Variants in UNK observed in about 807,000 individuals in gnomAD.
The protein encoded by UNK is RING finger protein unkempt homolog.
A neutral mutation model predicts 97.6 loss-of-function variants in UNK; 32 were observed. The observed-to-expected ratio is 0.33, with a 90% CI of 0.25 to 0.44. UNK has a LOEUF of 0.44. Ranked by LOEUF, UNK falls within the 20% of genes least tolerant of loss-of-function variation. UNK has a pLI of 1.00. For synonymous variants in UNK, 441 were observed against 461.2 expected (o/e 0.96, Z 0.56); for missense variants, 771 against 1,098.4 (o/e 0.70, Z 4.21).
Position 75,813,231 on chromosome 17 carries a change from G to T in UNK, c.758+18G>T. 1 of 1,563,536 alleles carries T rather than the reference G, an allele frequency of 6.4e-7. No individual in the cohort carries two copies. Among genetic ancestry groups the T allele is most frequent in the Non-Finnish European group, 8.7e-7 (1 of 1,155,280 alleles). ...AAATACAGGTCCTTAGGCCCCAGGA[G>T]GCCAGCCACGGGAGGGAGGAGTGGC... On this transcript the variant is annotated intron_variant, in intron 5 of 15. Coordinates refer to ENST00000589666, the MANE Select transcript of UNK (RefSeq NM_001080419.3).
rs576705543 is a variant in UNK at position 75,816,921 on chromosome 17, C to T, written c.1104+9C>T. On this transcript the variant is annotated intron_variant, in intron 8 of 15. Transcript: ENST00000589666. This position sits in a 1 kb window ranked among gnomAD's most constrained non-coding sequence, Gnocchi z 4.0. ...CCCCTGACCTCAGTGCCGTACGTGTCCATCCTGGGGAGTGGGTGGGCACCA... is the reference window on the plus strand; with the variant it reads ...CCCCTGACCTCAGTGCCGTACGTGTTCATCCTGGGGAGTGGGTGGGCACCA... 19 of 1,598,044 alleles carry T rather than the reference C, an allele frequency of 1.2e-5. No homozygotes were observed. In the Admixed American group the frequency reaches 1.4e-4, roughly 11 times the overall value.
rs746647713 is a variant in UNK at position 75,823,315 on chromosome 17, T to C, written c.2070T>C (p.Ser690=). 1.2e-6 allele frequency: 2 copies of C among 1,610,060 alleles called. No individual in the cohort carries two copies. The highest frequency in any genetic ancestry group is 1.7e-6 in the Non-Finnish European group (2 of 1,178,148). ...KEAEEAGERA[S]AAGAECELAR... is the part of the protein sequence containing the mutation. ...CGGAGGAGGCTGGTGAGCGGGCCAGTGCGGCGGGCGCCGAGTGCGAGCTGG... is the reference window on the plus strand; with the variant it reads ...CGGAGGAGGCTGGTGAGCGGGCCAGCGCGGCGGGCGCCGAGTGCGAGCTGG... Residue 690 remains serine (S), a synonymous_variant, in exon 15 of 16, where the codon AGT becomes AGC. Transcript: ENST00000589666.
intron 1 of UNK, among the ~76,000 whole-genome samples, chr17:75,800,457 G>A (rs917947514): frequency 3.3e-5 from 5 of 151,710 alleles, no homozygotes; most frequent in African/African-American, 1.2e-4. Flanking sequence ...GCTTCCTTTG[G>A]GCTGGGCGCG....
At chr17:75,810,585 T>G (rs1599379148) in intron 2 of UNK, among the ~76,000 whole-genome samples, 2 of 152,150 alleles carry the variant, frequency 1.3e-5, no homozygotes, top group East Asian at 3.9e-4. Context: ...TTTTATAATT[T>G]TATTTATTTA....
chr17:75,807,169 G>A (rs2061925966), intron 1 of UNK, among the ~76,000 whole-genome samples: 1 of 152,234 alleles, frequency 6.6e-6, no homozygotes. Context: ...GCTTTCATGA[G>A]GCACTGACAC....
At chr17:75,785,227 G>T in intron 1 of UNK, 1 of 492,150 alleles carries the variant, frequency 2.0e-6, no homozygotes, top group Non-Finnish European at 3.6e-6. Flanking sequence ...GCGGGAGCTC[G>T]GGATGCAGAG....
In UNK at chr17:75,825,172, C is replaced by CA. The variant is rs1186639916; in HGVS notation, c.*756dup. The CA allele has an allele frequency of 6.6e-6, 1 of 152,146 alleles. No homozygotes were observed. Among genetic ancestry groups the CA allele is most frequent in the Non-Finnish European group, 1.5e-5 (1 of 67,998 alleles). 9.4% of individuals were successfully genotyped at this position (152,146 alleles called of 1,614,324 possible). ...GGCAAGGCCCAGGAGTTCCAGCCCT[C>CA]AGGTTCCTGAGGGTCCACCCTCAGT... On this transcript the variant is annotated 3_prime_UTR_variant, in exon 16 of 16. Transcript: ENST00000589666. The surrounding 1 kb of genome is among the most constrained non-coding windows in gnomAD (Gnocchi z 4.4).
chr17:75,789,851 T>C (rs999078378), intron 1 of UNK, among the ~76,000 whole-genome samples: 2 of 152,068 alleles, frequency 1.3e-5, no homozygotes, highest in East Asian at 1.9e-4. Context: ...CTATTGAAAG[T>C]GTATAGCTGA....
rs2143780975 is a variant in UNK at position 75,812,251 on chromosome 17, G to A, written c.454G>A (p.Gly152Arg). The change falls in exon 3 of 16, where the codon GGG becomes AGG. Residue 152 changes from glycine to arginine, a missense_variant. Gly to Arg is a moderately radical substitution (Grantham distance 125). This residue lies in a region of UNK where 246 missense variants were observed against 440.7 expected (regional missense o/e 0.56). Transcript: ENST00000589666. ...KNGLHCAFAH[G>R]PHDLRSPVYD... ...CGGCCTGCACTGCGCTTTTGCCCACGGGCCCCATGACCTCCGCTCCCCTGT... is the reference window on the plus strand; with the variant it reads ...CGGCCTGCACTGCGCTTTTGCCCACAGGCCCCATGACCTCCGCTCCCCTGT... 3 of 1,613,754 alleles carry A rather than the reference G, an allele frequency of 1.9e-6. No individual in the cohort carries two copies. The highest frequency in any genetic ancestry group is 2.5e-6 in the Non-Finnish European group (3 of 1,179,710).
chr17:75,787,692 G>A (rs1001362203), intron 1 of UNK, among the ~76,000 whole-genome samples: 7 of 151,862 alleles, frequency 4.6e-5, no homozygotes, highest in Non-Finnish European at 5.9e-5. Flanking sequence ...AGGCCTGGTG[G>A]CACACACCTG....
At chr17:75,822,907 C>T (rs920027481) in intron 14 of UNK, among the ~76,000 whole-genome samples, 1 of 152,208 alleles carries the variant, frequency 6.6e-6, no homozygotes, top group East Asian at 1.9e-4. Flanking sequence ...GGATCACCTG[C>T]CTCCTCCCAG....
chr17:75,815,032 CAT>C, intron 6 of UNK, 135 bp from the exon 7 acceptor site: 1 of 676,932 alleles, frequency 1.5e-6, no homozygotes, highest in Non-Finnish European at 2.5e-6. Context: ...TAGGGAGAGA[CAT>C]AGTGGAGGGG....
chr17:75,823,646 GC>G, intron 15 of UNK, 124 bp downstream of exon 15: 2 of 1,346,052 alleles, frequency 1.5e-6, no homozygotes, highest in Non-Finnish European at 9.9e-7. Flanking sequence ...CCAGCACTGG[GC>G]CAGCACTCAA....
rs532303489 is a variant in UNK at position 75,798,898 on chromosome 17, C to T, written c.105-10862C>T. On this transcript the variant is annotated intron_variant, in intron 1 of 15. Coordinates refer to ENST00000589666, the MANE Select transcript of UNK (RefSeq NM_001080419.3). Reference sequence around the variant, plus strand: ...TGGCTAACACAGTGAAACCCCGTCTCTACTAAAAATACAAAAAAATTAGCC... The same window carrying T: ...TGGCTAACACAGTGAAACCCCGTCTTTACTAAAAATACAAAAAAATTAGCC... Among the ~76,000 whole-genome samples the T allele has an allele frequency of 4.6e-5, 7 of 152,022 alleles. No homozygotes were observed. In the East Asian group the frequency reaches 1.4e-3, roughly 30 times the overall value.
At chr17:75,787,426 G>A (rs2061722671) in intron 1 of UNK, among the ~76,000 whole-genome samples, 1 of 151,250 alleles carries the variant, frequency 6.6e-6, no homozygotes, top group South Asian at 2.1e-4. Flanking sequence ...GCCTAGTCTC[G>A]AACTCCTGTG....
intron 1 of UNK, among the ~76,000 whole-genome samples, chr17:75,807,609 C>T (rs551386307): frequency 2.2e-4 from 34 of 152,312 alleles, no homozygotes; most frequent in Admixed American, 8.5e-4. Context: ...CACGCCACCA[C>T]GCCCAGCTAA....
chr17:75,785,698 C>T (rs997143022), intron 1 of UNK: 1 of 152,108 alleles, frequency 6.6e-6, no homozygotes, highest in Non-Finnish European at 1.5e-5. Context: ...AAAACCTCTT[C>T]CTGGAAGTCT....
At chr17:75,794,408 G>A (rs1008650659) in intron 1 of UNK, among the ~76,000 whole-genome samples, 14 of 152,042 alleles carry the variant, frequency 9.2e-5, no homozygotes, top group Non-Finnish European at 1.5e-4. Context: ...AGGCTGAGGC[G>A]GGTGGATTGC....
In UNK at chr17:75,784,814, T is replaced by C. The variant is rs2061690013; in HGVS notation, c.-67T>C. 1 of 1,508,582 alleles carries C rather than the reference T, an allele frequency of 6.6e-7. No homozygotes were observed. The highest frequency in any genetic ancestry group is 9.2e-7 in the Non-Finnish European group (1 of 1,084,820). 93.4% of individuals were successfully genotyped at this position (1,508,582 alleles called of 1,614,324 possible). ...CGTGGCGCGGCGCAGGCGCACTGGG[T>C]CCTCGGCGCGGACCGCGCAGACTGA... On this transcript the variant is annotated 5_prime_UTR_variant, in exon 1 of 16. Coordinates refer to ENST00000589666, the MANE Select transcript of UNK (RefSeq NM_001080419.3).
Sources: gnomAD v4.1 joint callset for allele counts (sites outside exome capture counted in the v4.1 genomes callset) on GRCh38, gnomAD v4.1.1 for gene constraint, gnomAD v4.1.1 regional missense constraint, Gnocchi (gnomAD v3.1) non-coding constraint, MANE v1.5 for transcripts, NCBI Gene and HGNC (gene_info 2026-07-23, HGNC 2026-07-21) for gene names.